The following MGST2 variants were observed in gnomAD, a reference collection of about 807,000 sequenced individuals.
MGST2 encodes microsomal glutathione S-transferase 2.
MGST2 carries 9 observed loss-of-function variants against 16.6 expected under a neutral mutation model. The observed-to-expected ratio is 0.54, with a 90% CI of 0.33 to 0.95. The LOEUF is 0.95. Ranked by LOEUF, MGST2 falls within the 40% of genes least tolerant of loss-of-function variation. The pLI is 0.03. For missense variants in MGST2, 159 were observed against 175.1 expected (o/e 0.91, Z 0.52); for synonymous variants, 79 against 68.0 (o/e 1.16, Z -0.79).
intron 2 of MGST2, among the ~76,000 whole-genome samples, chr4:139,690,289 G>T (rs1332650424): frequency 6.6e-6 from 1 of 151,766 alleles, no homozygotes; most frequent in Non-Finnish European, 1.5e-5. Context: ...ACCGCTCCTG[G>T]CCTTAAATTT....
chr4:139,721,507 A>C (rs1459883834), intron 5 of MGST2, among the ~76,000 whole-genome samples: 1 of 152,218 alleles, frequency 6.6e-6, no homozygotes, highest in African/African-American at 2.4e-5. Context: ...ACCAGATGAG[A>C]ATAGTCTAAC....
chr4:139,749,378 A>C, the MGST2 span, among the ~76,000 whole-genome samples: 1 of 152,226 alleles, frequency 6.6e-6, no homozygotes, highest in Non-Finnish European at 1.5e-5. Flanking sequence ...ATTAACATAG[A>C]TATTTGCATA....
At chr4:139,697,728 T>C (rs1274922256) in intron 3 of MGST2, among the ~76,000 whole-genome samples, 1 of 152,198 alleles carries the variant, frequency 6.6e-6, no homozygotes, top group Non-Finnish European at 1.5e-5. Context: ...TAGAAAAGTA[T>C]AGTGAATGGA....
At chr4:139,700,455 T>C (rs931673413) in intron 3 of MGST2, among the ~76,000 whole-genome samples, 1 of 152,192 alleles carries the variant, frequency 6.6e-6, no homozygotes, top group Non-Finnish European at 1.5e-5. Context: ...TTAAGTTTTA[T>C]GCATACATTG....
intron 3 of MGST2, chr4:139,698,403 T>C: frequency 6.3e-7 from 1 of 1,585,212 alleles, no homozygotes. Flanking sequence ...ACGTCTAATT[T>C]CACGGAGCGC....
chr4:139,672,055 T>C (rs934174294), intron 1 of MGST2, among the ~76,000 whole-genome samples: 2 of 152,170 alleles, frequency 1.3e-5, no homozygotes, highest in Non-Finnish European at 2.9e-5. Context: ...CTGAATCCTC[T>C]TTCTTGGGGC....
intron 1 of MGST2, among the ~76,000 whole-genome samples, chr4:139,668,169 A>G (rs1253944647): frequency 1.3e-5 from 2 of 152,240 alleles, no homozygotes; most frequent in Admixed American, 6.5e-5. Flanking sequence ...GAGTTTATCT[A>G]CAGACCTCAA....
At chr4:139,726,847 G>A (rs776066770) in intron 5 of MGST2, among the ~76,000 whole-genome samples, 23 of 152,160 alleles carry the variant, frequency 1.5e-4, no homozygotes, top group Non-Finnish European at 2.2e-4. Flanking sequence ...TTATCATGCT[G>A]TATGTGCAAA....
intron 5 of MGST2, among the ~76,000 whole-genome samples, chr4:139,727,523 T>C (rs1728524199): frequency 6.6e-6 from 1 of 152,364 alleles, no homozygotes; most frequent in African/African-American, 2.4e-5. Context: ...TGTCTCTCTC[T>C]AGCTCTGTGA....
intron 5 of MGST2, among the ~76,000 whole-genome samples, chr4:139,732,527 T>A (rs1728766806): frequency 6.6e-6 from 1 of 151,326 alleles, no homozygotes; most frequent in Admixed American, 6.6e-5. Flanking sequence ...GTAGCTTAGG[T>A]CACACAATCA....
intron 5 of MGST2, among the ~76,000 whole-genome samples, chr4:139,720,746 T>G (rs552911988): frequency 6.6e-6 from 1 of 152,308 alleles, no homozygotes; most frequent in African/African-American, 2.4e-5. Context: ...CCTCAACCAA[T>G]AAGATACTAT....
the MGST2 span, among the ~76,000 whole-genome samples, chr4:139,752,336 T>C: frequency 1.3e-5 from 2 of 152,218 alleles, no homozygotes; most frequent in East Asian, 3.9e-4. Context: ...TTTAGGCCTG[T>C]GGTTGCATGG....
intron 5 of MGST2, among the ~76,000 whole-genome samples, chr4:139,737,371 G>A (rs1196022155): frequency 4.4e-5 from 4 of 90,404 alleles, no homozygotes; most frequent in Non-Finnish European, 7.9e-5. Context: ...TGGTGGTGGC[G>A]TCTCTGGGAT....
intron 5 of MGST2, among the ~76,000 whole-genome samples, chr4:139,714,577 T>A (rs1213365734): frequency 5.9e-5 from 9 of 152,318 alleles, no homozygotes; most frequent in African/African-American, 2.2e-4. Context: ...CCAGGCTGCT[T>A]AGCATCCAAT....
chr4:139,688,464 C>G (rs748928826), intron 2 of MGST2, among the ~76,000 whole-genome samples: 1 of 151,934 alleles, frequency 6.6e-6, no homozygotes, highest in Non-Finnish European at 1.5e-5. Context: ...CATCGTGAAT[C>G]TCGGTACCCT....
chr4:139,737,026 C>T (rs950570980), intron 5 of MGST2, among the ~76,000 whole-genome samples: 5 of 152,132 alleles, frequency 3.3e-5, no homozygotes, highest in African/African-American at 7.2e-5. Context: ...GCCAATTCTT[C>T]CAGGACGGAC....
intron 5 of MGST2, chr4:139,730,924 G>A (rs1252290805): frequency 1.8e-6 from 1 of 545,280 alleles, no homozygotes; most frequent in African/African-American, 1.9e-5. Context: ...TGTTTCGGAT[G>A]GGACTGACTA....
At chr4:139,719,370 C>G in intron 5 of MGST2, 1 of 1,611,140 alleles carries the variant, frequency 6.2e-7, no homozygotes, top group South Asian at 1.1e-5. Flanking sequence ...CACTCGTCCC[C>G]TGGCCCGCCT....
At chr4:139,732,353 C>G (rs1320961194) in intron 5 of MGST2, among the ~76,000 whole-genome samples, 1 of 152,142 alleles carries the variant, frequency 6.6e-6, no homozygotes, top group Non-Finnish European at 1.5e-5. Context: ...TAGAACCATG[C>G]AGGCTTCCCT....
Sources: gnomAD v4.1 joint callset for allele counts (sites outside exome capture counted in the v4.1 genomes callset) on GRCh38, gnomAD v4.1.1 for gene constraint, MANE v1.5 for transcripts, NCBI Gene and HGNC (gene_info 2026-07-23, HGNC 2026-07-21) for gene names.